LTBP2: variants seen among roughly 807,000 people sequenced by gnomAD.
LTBP2 encodes latent transforming growth factor beta binding protein 2.
A neutral mutation model predicts 210.6 loss-of-function variants in LTBP2; 103 were observed. The ratio of observed to expected loss-of-function variants is 0.49; its 90% CI spans 0.42 to 0.58. The LOEUF (loss-of-function observed/expected upper bound fraction) is 0.58. Among genes scored for constraint, LTBP2 ranks in the 20% least tolerant of loss-of-function variants. LTBP2 has a pLI of 0.00. For missense variants in LTBP2, 2,313 were observed against 2,494.5 expected (o/e 0.93, Z 1.55); for synonymous variants, 1,007 against 1,015.0 (o/e 0.99, Z 0.15).
In LTBP2 at chr14:74,506,059, C is replaced by T. The variant is rs748214059; in HGVS notation, c.4166G>A (p.Arg1389Gln). 20 of 1,614,020 alleles carry T rather than the reference C, an allele frequency of 1.2e-5. No homozygotes were observed. Among genetic ancestry groups the T allele is most frequent in the Middle Eastern group, 1.6e-4 (1 of 6,084 alleles). The part of the protein sequence containing the change: ...YDAQEGHCRP[R>Q]GAGGQSMSEA... ...CTCCCAGGCCTCACCTCCAGCCCCC[C>T]GTGGGCGGCAGTGCCCCTCCTGGGC... The change falls in exon 28 of 36, where the codon CGG becomes CAG. Residue 1389 changes from arginine to glutamine, a missense_variant. Around this residue, in one of 3 missense-constraint regions of LTBP2, gnomAD observed 1,867 missense variants for 1,976.9 expected, o/e 0.94. Coordinates refer to ENST00000261978, the MANE Select transcript of LTBP2 (RefSeq NM_000428.3).
intron 27 of LTBP2, among the ~76,000 whole-genome samples, 198 bp downstream of exon 27, chr14:74,506,500 C>T (rs2086986753): frequency 1.3e-5 from 2 of 152,236 alleles, no homozygotes; most frequent in African/African-American, 2.4e-5. Flanking sequence ...GCTGGCAGAG[C>T]GCGGCTGTGC....
chr14:74,567,306 C>T (rs112396800), intron 3 of LTBP2, among the ~76,000 whole-genome samples: 7,573 of 152,286 alleles, frequency 0.05, 262 homozygotes, highest in Middle Eastern at 0.099. Flanking sequence ...ACTTTTCCAC[C>T]GAGCAGCCAG....
At chr14:74,564,385 A>ATATATATTTATG (rs2087875148) in intron 3 of LTBP2, among the ~76,000 whole-genome samples, 3 of 82,180 alleles carry the variant, frequency 3.7e-5, no homozygotes, top group Non-Finnish European at 6.8e-5. Flanking sequence ...ATATATTTAT[A>ATATATATTTATG]TTTTATATAT....
chr14:74,562,046 C>T (rs2087800690), intron 3 of LTBP2, among the ~76,000 whole-genome samples: 1 of 151,984 alleles, frequency 6.6e-6, no homozygotes, highest in Admixed American at 6.6e-5. Flanking sequence ...GCTGTCTCTA[C>T]TAAAAATACA....
chr14:74,610,283 C>A (rs564582351), intron 1 of LTBP2, among the ~76,000 whole-genome samples: 1 of 152,280 alleles, frequency 6.6e-6, no homozygotes, highest in East Asian at 1.9e-4. Flanking sequence ...GGATGGGGCA[C>A]GGGTGGCCAA....
intron 2 of LTBP2, among the ~76,000 whole-genome samples, chr14:74,602,589 C>T (rs1392740609): frequency 6.6e-6 from 1 of 152,202 alleles, no homozygotes; most frequent in African/African-American, 2.4e-5. Context: ...TTGTGCTTCA[C>T]GTTCCTCATC....
At chr14:74,505,900 C>A (rs543734833) in intron 28 of LTBP2, 148 bp downstream of exon 28, 4 of 1,113,920 alleles carry the variant, frequency 3.6e-6, no homozygotes, top group East Asian at 2.4e-5. Flanking sequence ...CCCCTCCATG[C>A]ACCAGGCCCC....
intron 3 of LTBP2, among the ~76,000 whole-genome samples, chr14:74,557,874 G>A (rs2087748544): frequency 1.3e-5 from 2 of 152,156 alleles, no homozygotes; most frequent in South Asian, 4.1e-4. Flanking sequence ...TGTGTCCTGC[G>A]CCAGCCGACA....
chr14:74,563,297 G>A (rs1003100218), intron 3 of LTBP2, among the ~76,000 whole-genome samples: 1 of 152,090 alleles, frequency 6.6e-6, no homozygotes, highest in Non-Finnish European at 1.5e-5. Flanking sequence ...CCCACCTCTA[G>A]GGGACCCGAC....
rs892077685 is a variant in LTBP2, at chr14:74,511,187, T to C, written c.3028+58A>G. 1.8e-5 allele frequency: 29 copies of C among 1,611,234 alleles called. No individual in the cohort carries two copies. The East Asian group carries it at 2.9e-4, about 16-fold the overall frequency. On this transcript the variant is annotated intron_variant, in intron 19 of 35. Coordinates refer to ENST00000261978, the MANE Select transcript of LTBP2 (RefSeq NM_000428.3). ...CCTCTTTCCCTTTCCGTGTGTGGGC[T>C]CAACCAGAGGTCCCAAGGCCGAATG...
rs540570340 is a variant in LTBP2, at chr14:74,580,730, C to T, written c.830+5124G>A. Among the ~76,000 whole-genome samples, 8 of 152,280 alleles carry T rather than the reference C, an allele frequency of 5.3e-5. No homozygotes were observed. The South Asian group carries it at 1.7e-3, about 32-fold the overall frequency. Reference sequence around the variant, plus strand: ...TGTAATCCCAGCACTTAGGCCAAGGCAGGAGGATCGCTTGAACCCAGGAGT... The same window carrying T: ...TGTAATCCCAGCACTTAGGCCAAGGTAGGAGGATCGCTTGAACCCAGGAGT... On this transcript the variant is annotated intron_variant, in intron 3 of 35. Transcript: ENST00000261978.
rs142979965 is a variant in LTBP2, at chr14:74,551,173, C to T, written c.1577G>A (p.Ser526Asn). ...PASPGHSLWD[S>N]NNIPARSGEP... ...TCCAGACCGAGCAGGGATGTTGTTG[C>T]TGTCCCAGAGGCTGTGGCCAGGGCT... The change falls in exon 7 of 36, where the codon AGC becomes AAC. Residue 526 changes from serine (S) to asparagine (N), a missense_variant. Transcript: ENST00000261978. 1.9e-4 allele frequency: 308 copies of T among 1,613,900 alleles called. 1 individual carries two copies. The African/African-American group carries it at 3.3e-3, about 18-fold the overall frequency.
At chr14:74,611,315 G>T in intron 1 of LTBP2, 136 bp downstream of exon 1, 1 of 1,026,870 alleles carries the variant, frequency 9.7e-7, no homozygotes, top group East Asian at 3.0e-5. Flanking sequence ...TGGAACCTCG[G>T]GGCTGTTTCC....
At chr14:74,501,367 C>T in intron 35 of LTBP2, 74 bp downstream of exon 35, 1 of 1,608,384 alleles carries the variant, frequency 6.2e-7, no homozygotes, top group South Asian at 1.1e-5. Flanking sequence ...AGTGGCTCTT[C>T]CAGCCTTCCT....
At chr14:74,505,963 G>T in intron 28 of LTBP2, 85 bp downstream of exon 28, 1 of 1,560,830 alleles carries the variant, frequency 6.4e-7, no homozygotes, top group Non-Finnish European at 8.8e-7. Flanking sequence ...CCCCTCAGCG[G>T]CTAGAGGCTA....
intron 3 of LTBP2, among the ~76,000 whole-genome samples, chr14:74,567,429 C>T (rs2087919315): frequency 6.6e-6 from 1 of 152,180 alleles, no homozygotes; most frequent in Admixed American, 6.5e-5. Context: ...GCTGCCTGGG[C>T]ACTGGGCTCA....
chr14:74,591,165 G>T (rs749746080), intron 2 of LTBP2, among the ~76,000 whole-genome samples: 9 of 152,168 alleles, frequency 5.9e-5, no homozygotes, highest in Non-Finnish European at 1.3e-4. Flanking sequence ...ATCAGACTGG[G>T]TGCCGAGGCC....
Position 74,551,161 on chromosome 14 carries a change from G to A in LTBP2, c.1589C>T (p.Pro530Leu), listed in dbSNP as rs774585526. 5 of 1,613,964 alleles carry A rather than the reference G, an allele frequency of 3.1e-6. No individual in the cohort carries two copies. In the Middle Eastern group the frequency reaches 4.9e-4, roughly 160 times the overall value. ...CCGAGGGGGCTCTCCAGACCGAGCA[G>A]GGATGTTGTTGCTGTCCCAGAGGCT... ...GHSLWDSNNI[P>L]ARSGEPPRPL... is the part of the protein sequence containing the mutation. Residue 530 changes from proline (P) to leucine (L), a missense_variant, in exon 7 of 36, where the codon CCT (proline) becomes CTT (leucine). Around this residue, in one of 3 missense-constraint regions of LTBP2, gnomAD observed 1,867 missense variants for 1,976.9 expected, o/e 0.94. Coordinates refer to ENST00000261978, the MANE Select transcript of LTBP2 (RefSeq NM_000428.3).
intron 8 of LTBP2, among the ~76,000 whole-genome samples, chr14:74,540,558 G>A (rs568681492): frequency 4.6e-5 from 7 of 150,848 alleles, no homozygotes; most frequent in Admixed American, 6.6e-5. Flanking sequence ...GAGGTCAGGA[G>A]ATCGAGACCA....
Sources: allele counts gnomAD v4.1 joint callset (sites outside exome capture counted in the v4.1 genomes callset), GRCh38; gene constraint gnomAD v4.1.1; regional missense constraint gnomAD v4.1.1; transcripts MANE v1.5; gene names NCBI Gene and HGNC (gene_info 2026-07-23, HGNC 2026-07-21).